Variants in CNTLN observed in about 807,000 individuals in gnomAD.
CNTLN encodes the protein centlein, centrosomal protein.
Under a neutral mutation model 180.0 loss-of-function variants are expected in CNTLN, and 212 were observed. The observed-to-expected ratio is 1.18, with a 90% CI of 1.05 to 1.32. The LOEUF (loss-of-function observed/expected upper bound fraction) is 1.32, where lower values mean the gene tolerates loss of function less well. Among genes scored for constraint, CNTLN ranks in the 40% most tolerant of loss-of-function variants. The probability of loss-of-function intolerance (pLI) is 0.00; values close to 1 mark genes in which losing one functional copy is unlikely to be tolerated. For missense variants in CNTLN, 2,095 were observed against 1,610.9 expected, an observed-to-expected ratio of 1.30 and a Z score of -5.14; for synonymous variants, 722 against 563.1, an observed-to-expected ratio of 1.28 and a Z score of -3.99.
At chr9:17,439,325 C>T (rs1829972728) in intron 18 of CNTLN, among the ~76,000 whole-genome samples, 2 of 152,146 alleles carry the variant, frequency 1.3e-5, no homozygotes, top group Non-Finnish European at 2.9e-5. Flanking sequence ...CACAAAACAA[C>T]ATTCCATAAA....
At chr9:17,298,532 C>A in intron 7 of CNTLN, 180 bp downstream of exon 7, 4 of 1,295,434 alleles carry the variant, frequency 3.1e-6, no homozygotes, top group Non-Finnish European at 3.9e-6. Context: ...TTTGAATTTT[C>A]TTTATGGTAA....
At chr9:17,264,532 C>T (rs58788899) in intron 5 of CNTLN, among the ~76,000 whole-genome samples, 27,553 of 145,272 alleles carry the variant, frequency 0.19, 3,329 homozygotes, top group African/African-American at 0.33. Flanking sequence ...TGTGGGCTCT[C>T]TTTTGGTTCC....
chr9:17,339,149 A>C (rs1486605263), intron 10 of CNTLN, among the ~76,000 whole-genome samples: 1 of 152,208 alleles, frequency 6.6e-6, no homozygotes, highest in African/African-American at 2.4e-5. Flanking sequence ...ACTTCTTGTT[A>C]CAAACAAGAC....
At chr9:17,485,256 T>C (rs1228346485) in intron 24 of CNTLN, among the ~76,000 whole-genome samples, 1 of 152,150 alleles carries the variant, frequency 6.6e-6, no homozygotes, top group African/African-American at 2.4e-5. Flanking sequence ...TGTTCAATGA[T>C]AGACTTGGGT....
In CNTLN at chr9:17,342,306, A is replaced by T. The variant is rs781764631; in HGVS notation, c.1767-19A>T. 8.1e-6 allele frequency: 13 copies of T among 1,608,464 alleles called. No homozygotes were observed. ...CTTCAGACATGTTAATTGAAAAAGC[A>T]ACTTTGTTTTAAAAATAGGACTGAA... On this transcript the variant is annotated intron_variant, in intron 11 of 25. Coordinates refer to ENST00000380647, the MANE Select transcript of CNTLN (RefSeq NM_017738.4).
chr9:17,270,652 C>G (rs984132090), intron 5 of CNTLN, among the ~76,000 whole-genome samples: 2 of 152,066 alleles, frequency 1.3e-5, no homozygotes, highest in African/African-American at 2.4e-5. Flanking sequence ...ATGTTTCTCA[C>G]AAGATGGGGG....
At chr9:17,428,656 G>C (rs966199370) in intron 18 of CNTLN, among the ~76,000 whole-genome samples, 2 of 152,020 alleles carry the variant, frequency 1.3e-5, no homozygotes, top group Non-Finnish European at 2.9e-5. Flanking sequence ...AAATAATTCA[G>C]TTGAGATCCA....
At chr9:17,337,053 T>C (rs1479231520) in intron 10 of CNTLN, among the ~76,000 whole-genome samples, 1 of 152,196 alleles carries the variant, frequency 6.6e-6, no homozygotes, top group East Asian at 1.9e-4. Context: ...ATTTCCATAA[T>C]GACCAGTGAT....
rs1214334929 is a variant in CNTLN, at chr9:17,406,749, G to T, written c.2616-2544G>T. On this transcript the variant is annotated intron_variant, in intron 15 of 25. Transcript: ENST00000380647. The stretch of plus-strand genomic sequence containing the variant: ...GTTCATCAATTCTTTCACATGCATA[G>T]GGCATAGTAGCCATTCAATAAATGT... Among the ~76,000 whole-genome samples, 6 of 151,620 alleles carry T rather than the reference G, an allele frequency of 4.0e-5. 1 individual carries two copies. Among genetic ancestry groups the T allele is most frequent in the African/African-American group, 1.2e-4 (5 of 41,014 alleles).
intron 23 of CNTLN, among the ~76,000 whole-genome samples, chr9:17,471,112 C>G (rs1374762765): frequency 6.6e-6 from 1 of 151,942 alleles, no homozygotes; most frequent in Non-Finnish European, 1.5e-5. Context: ...ATTTGGAAAA[C>G]TTTATGTAAA....
intron 5 of CNTLN, among the ~76,000 whole-genome samples, chr9:17,259,146 C>T (rs1003101758): frequency 6.8e-6 from 1 of 146,808 alleles, no homozygotes. Context: ...GAAATACGTC[C>T]CATCAATACC....
In CNTLN at chr9:17,307,972, C is replaced by CCACACACACACACACACACACA. The variant is rs3837233; in HGVS notation, c.1147-1061_1147-1040dup. ...AAGATTTTACTGTTAGCCTTTAAAA[C>CCACACACACACACACACACACA]CACACACACACACACACACACACAC... On this transcript the variant is annotated intron_variant, in intron 7 of 25. Transcript: ENST00000380647. Among the ~76,000 whole-genome samples the CCACACACACACACACACACACA allele has an allele frequency of 3.6e-5, 5 of 137,910 alleles. No homozygotes were observed. The Admixed American group carries it at 3.7e-4, about 10-fold the overall frequency. 90.5% of individuals were successfully genotyped at this position (137,910 alleles called of 152,430 possible).
chr9:17,186,983 C>G (rs1055608080), intron 2 of CNTLN, among the ~76,000 whole-genome samples: 4 of 151,952 alleles, frequency 2.6e-5, no homozygotes, highest in Non-Finnish European at 5.9e-5. Context: ...AGTTGTGTCT[C>G]TGATGTCTGG....
chr9:17,266,937 C>T (rs1360459505), intron 5 of CNTLN, among the ~76,000 whole-genome samples: 1 of 152,080 alleles, frequency 6.6e-6, no homozygotes, highest in Non-Finnish European at 1.5e-5. Flanking sequence ...TGTGTCTCTG[C>T]ACATGAGATG....
chr9:17,275,105 C>G (rs78618794), intron 6 of CNTLN, among the ~76,000 whole-genome samples: 1 of 151,986 alleles, frequency 6.6e-6, no homozygotes, highest in South Asian at 2.1e-4. Flanking sequence ...GGAATAGAAT[C>G]TTAGATTTGG....
At position 17,309,745 on chromosome 9, in the gene CNTLN, T is replaced by G. The variant is rs542605471; in HGVS notation, c.1341+493T>G. 3.6e-4 allele frequency among the ~76,000 whole-genome samples: 55 copies of G among 152,192 alleles called. 1 individual carries two copies. The Middle Eastern group carries it at 0.01, about 28-fold the overall frequency. ...GGTAAATGAAGGTAGTATAAATGTA[T>G]AGATAAATATGTAGGATCTGGTTGC... On this transcript the variant is annotated intron_variant, in intron 8 of 25. Transcript: ENST00000380647.
chr9:17,155,774 G>C (rs2815183), intron 2 of CNTLN, among the ~76,000 whole-genome samples: 49,939 of 151,632 alleles, frequency 0.33, 10,392 homozygotes, highest in East Asian at 0.6. Context: ...CTGGGCGCCA[G>C]TAGGGTATGG....
chr9:17,142,632 T>G (rs989664977), intron 1 of CNTLN, among the ~76,000 whole-genome samples: 1 of 152,156 alleles, frequency 6.6e-6, no homozygotes, highest in Non-Finnish European at 1.5e-5. Flanking sequence ...TGAGGTCACC[T>G]AGGGCAGTGG....
rs770055799 is a variant in CNTLN at position 17,135,220 on chromosome 9, A to G, written c.155A>G (p.Glu52Gly). Residue 52 changes from glutamate (E) to glycine (G), a missense_variant, in exon 1 of 26, where the codon GAA becomes GGA. Physicochemically the swap from Glu to Gly is moderately conservative, Grantham distance 98. Transcript: ENST00000380647. ...AGAAREVVADESDKIWVGEEG... is the reference protein window; with the variant it reads ...AGAAREVVADGSDKIWVGEEG... ...GCAGCGCGGGAGGTGGTCGCGGACG[A>G]AAGTGATAAAATCTGGGTGGGTGAA... 3.1e-6 allele frequency: 5 copies of G among 1,610,158 alleles called. No individual in the cohort carries two copies. The Admixed American group carries it at 8.4e-5, about 27-fold the overall frequency.
Sources: gnomAD v4.1 joint callset for allele counts (sites outside exome capture counted in the v4.1 genomes callset) on GRCh38, gnomAD v4.1.1 for gene constraint, MANE v1.5 for transcripts, NCBI Gene and HGNC (gene_info 2026-07-23, HGNC 2026-07-21) for gene names.